Variants in GRM8 observed in about 807,000 individuals in gnomAD.
GRM8 encodes glutamate metabotropic receptor 8.
In GRM8, 47 loss-of-function variants were observed where a neutral mutation model predicts 87.2. The observed-to-expected ratio is 0.54, with a 90% CI of 0.43 to 0.69. The LOEUF (loss-of-function observed/expected upper bound fraction) is 0.69. GRM8 is among the 30% of genes least tolerant of loss of function. The pLI is 0.00. For synonymous variants in GRM8, 396 were observed against 404.5 expected (o/e 0.98, Z 0.25); for missense variants, 1,019 against 1,139.2 (o/e 0.89, Z 1.52).
intron 8 of GRM8, among the ~76,000 whole-genome samples, chr7:126,539,071 C>A (rs1465070029): frequency 3.6e-4 from 54 of 151,744 alleles, no homozygotes; most frequent in Non-Finnish European, 2.4e-4. Flanking sequence ...AGATGATTCC[C>A]AAGCTGAAAT....
chr7:126,710,089 T>A (rs937533799), intron 7 of GRM8, among the ~76,000 whole-genome samples: 3 of 152,254 alleles, frequency 2.0e-5, no homozygotes, highest in African/African-American at 7.2e-5. Flanking sequence ...CTACTAAGTG[T>A]ATAGCAGCAT....
intron 2 of GRM8, among the ~76,000 whole-genome samples, chr7:127,148,388 C>T (rs559982637): frequency 6.6e-6 from 1 of 151,662 alleles, no homozygotes; most frequent in African/African-American, 2.4e-5. Flanking sequence ...GACTTCAATA[C>T]CCCACTTTCA....
At chr7:127,208,924 T>C (rs573148546) in intron 2 of GRM8, among the ~76,000 whole-genome samples, 1 of 152,360 alleles carries the variant, frequency 6.6e-6, no homozygotes, top group South Asian at 2.1e-4. Context: ...GTCTGGCTTT[T>C]CCTTGGGGAT....
At chr7:126,704,676 T>C (rs1810300454) in intron 7 of GRM8, among the ~76,000 whole-genome samples, 2 of 152,184 alleles carry the variant, frequency 1.3e-5, no homozygotes, top group Admixed American at 6.5e-5. Context: ...CTGGCTGTCT[T>C]CTATGGTCGA....
intron 3 of GRM8, among the ~76,000 whole-genome samples, chr7:126,984,734 A>G (rs1563381503): frequency 6.6e-6 from 1 of 152,118 alleles, no homozygotes; most frequent in Non-Finnish European, 1.5e-5. Context: ...TTTTGTCATT[A>G]CCCTACTCAG....
intron 3 of GRM8, among the ~76,000 whole-genome samples, chr7:127,074,899 G>T (rs1186070562): frequency 6.6e-6 from 1 of 152,138 alleles, no homozygotes; most frequent in African/African-American, 2.4e-5. Context: ...TGAAAACTTT[G>T]GATTTTAAGA....
rs1209511095 is a variant in GRM8, at chr7:126,595,380, T to TTTATG, written c.1494+13981_1494+13982insCATAA. Among the ~76,000 whole-genome samples, 23 of 68,540 alleles carry TTTATG rather than the reference T, an allele frequency of 3.4e-4. No homozygotes were observed. The Admixed American group carries it at 3.6e-3, about 11-fold the overall frequency. 45.0% of individuals were successfully genotyped at this position (68,540 alleles called of 152,430 possible). ...ACCCCAGCTAATTCTGGTATTTTAT[T>TTTATG]TTATTTTATTTTATTTTATTTTATT... On this transcript the variant is annotated intron_variant, in intron 8 of 10. Coordinates refer to ENST00000339582, the MANE Select transcript of GRM8 (RefSeq NM_000845.3).
intron 2 of GRM8, among the ~76,000 whole-genome samples, chr7:127,147,211 C>A (rs1316013222): frequency 6.6e-6 from 1 of 151,974 alleles, no homozygotes; most frequent in Non-Finnish European, 1.5e-5. Context: ...CAGAAAGCCT[C>A]AGAGAGCTAA....
chr7:126,679,072 C>A (rs1807278072), intron 7 of GRM8, among the ~76,000 whole-genome samples: 1 of 152,008 alleles, frequency 6.6e-6, no homozygotes, highest in Non-Finnish European at 1.5e-5. Context: ...TTTTTTTTCG[C>A]TTGACCTCCC....
chr7:126,474,589 A>G (rs1015784938), intron 9 of GRM8, among the ~76,000 whole-genome samples: 3 of 152,166 alleles, frequency 2.0e-5, no homozygotes, highest in African/African-American at 4.8e-5. Context: ...TCCTTAGCTG[A>G]AAACCTATGT....
chr7:127,076,686 C>G (rs1190568262), intron 3 of GRM8, among the ~76,000 whole-genome samples: 1 of 152,130 alleles, frequency 6.6e-6, no homozygotes, highest in Non-Finnish European at 1.5e-5. Context: ...GACTAGAGCC[C>G]CAAGCTGTTA....
chr7:126,599,276 G>T (rs1797506256), intron 8 of GRM8, among the ~76,000 whole-genome samples: 1 of 152,060 alleles, frequency 6.6e-6, no homozygotes, highest in Non-Finnish European at 1.5e-5. Context: ...TATCTGGCCT[G>T]ATTGCAAGGA....
intron 9 of GRM8, among the ~76,000 whole-genome samples, chr7:126,474,232 A>G (rs1384056617): frequency 6.6e-6 from 1 of 151,530 alleles, no homozygotes; most frequent in Admixed American, 6.6e-5. Flanking sequence ...ACGTACACAC[A>G]TTCATATATG....
intron 6 of GRM8, among the ~76,000 whole-genome samples, chr7:126,802,006 G>A (rs977721153): frequency 6.6e-6 from 1 of 152,154 alleles, no homozygotes; most frequent in Non-Finnish European, 1.5e-5. Flanking sequence ...ATATTCTGAA[G>A]AACAGTGATA....
intron 3 of GRM8, among the ~76,000 whole-genome samples, chr7:126,995,876 C>T (rs1010773365): frequency 1.3e-5 from 2 of 151,830 alleles, no homozygotes; most frequent in Non-Finnish European, 2.9e-5. Flanking sequence ...TTATAGAACA[C>T]CAAGCAGATT....
chr7:126,731,178 A>G (rs896280576), intron 7 of GRM8, among the ~76,000 whole-genome samples: 2 of 152,106 alleles, frequency 1.3e-5, no homozygotes, highest in African/African-American at 4.8e-5. Context: ...CCAATGGTAA[A>G]GCTATAATAT....
At chr7:126,688,310 T>C (rs1324480511) in intron 7 of GRM8, among the ~76,000 whole-genome samples, 2 of 152,130 alleles carry the variant, frequency 1.3e-5, no homozygotes, top group African/African-American at 4.8e-5. Flanking sequence ...TTTCAGGAAA[T>C]TAAAGGAGCA....
chr7:126,636,013 A>G (rs573665170), intron 7 of GRM8, among the ~76,000 whole-genome samples: 75 of 152,244 alleles, frequency 4.9e-4, no homozygotes, highest in South Asian at 8.3e-4. Flanking sequence ...TATTTTTTCA[A>G]TTCATAAGGG....
chr7:127,137,868 G>T (rs1483717081), intron 2 of GRM8, among the ~76,000 whole-genome samples: 1 of 152,094 alleles, frequency 6.6e-6, no homozygotes, highest in Non-Finnish European at 1.5e-5. Context: ...AAAAAGTAAA[G>T]AAATTAAAAT....
Sources: allele counts gnomAD v4.1 joint callset (sites outside exome capture counted in the v4.1 genomes callset), GRCh38; gene constraint gnomAD v4.1.1; transcripts MANE v1.5; gene names NCBI Gene and HGNC (gene_info 2026-07-23, HGNC 2026-07-21).